OLFM2: variants seen among roughly 807,000 people sequenced by gnomAD.
OLFM2 encodes the protein noelin-2.
Under a neutral mutation model 43.9 loss-of-function variants are expected in OLFM2, and 20 were observed. The observed-to-expected ratio is 0.46, with a 90% CI of 0.32 to 0.66. The LOEUF (loss-of-function observed/expected upper bound fraction) is 0.66. Ranked by LOEUF, OLFM2 falls within the 30% of genes least tolerant of loss-of-function variation. The probability of loss-of-function intolerance (pLI) is 0.04; values close to 1 mark genes in which losing one functional copy is unlikely to be tolerated. For synonymous variants in OLFM2, 268 were observed against 278.6 expected, an observed-to-expected ratio of 0.96 and a Z score of 0.38; for missense variants, 416 against 643.6, an observed-to-expected ratio of 0.65 and a Z score of 3.83.
chr19:9,880,850 T>C (rs2145454282), intron 1 of OLFM2, among the ~76,000 whole-genome samples: 1 of 152,200 alleles, frequency 6.6e-6, no homozygotes, highest in East Asian at 1.9e-4. Flanking sequence ...TTCTGCAGCT[T>C]TGGCGCTCTC....
chr19:9,928,514 C>A (rs1237108432), intron 1 of OLFM2, among the ~76,000 whole-genome samples: 2 of 151,946 alleles, frequency 1.3e-5, no homozygotes, highest in African/African-American at 4.8e-5. Flanking sequence ...ACAAGAACAA[C>A]CTTTTCCAGG....
At chr19:9,880,424 C>A (rs1169017557) in intron 1 of OLFM2, among the ~76,000 whole-genome samples, 1 of 151,976 alleles carries the variant, frequency 6.6e-6, no homozygotes, top group African/African-American at 2.4e-5. Context: ...ACAGAGGAAC[C>A]TGAAAGTTGT....
intron 1 of OLFM2, among the ~76,000 whole-genome samples, chr19:9,884,768 G>A (rs1568375391): frequency 6.6e-6 from 1 of 152,172 alleles, no homozygotes; most frequent in Non-Finnish European, 1.5e-5. Flanking sequence ...CATGGTGGGT[G>A]TCTGCATGCC....
At chr19:9,874,142 A>G (rs1467651755) in intron 1 of OLFM2, among the ~76,000 whole-genome samples, 1 of 152,058 alleles carries the variant, frequency 6.6e-6, no homozygotes, top group Non-Finnish European at 1.5e-5. Flanking sequence ...CTTTATTCAA[A>G]TTCCCCAGTT....
intron 1 of OLFM2, among the ~76,000 whole-genome samples, chr19:9,925,352 T>G (rs940828031): frequency 1.3e-5 from 2 of 152,152 alleles, no homozygotes; most frequent in Non-Finnish European, 1.5e-5. Context: ...GGTGAGGATG[T>G]GGAAAAATAG....
intron 1 of OLFM2, among the ~76,000 whole-genome samples, chr19:9,885,240 A>G (rs1239459201): frequency 6.6e-6 from 1 of 152,166 alleles, no homozygotes; most frequent in East Asian, 1.9e-4. Context: ...CCAGACTGCA[A>G]TTCCCAGACT....
At chr19:9,894,376 C>CAATAAT (rs528905230) in intron 1 of OLFM2, among the ~76,000 whole-genome samples, 8,353 of 118,110 alleles carry the variant, frequency 0.071, 357 homozygotes, top group South Asian at 0.12. Context: ...GACTCTCTCT[C>CAATAAT]AATAATAATA....
Position 9,915,496 on chromosome 19 carries a change from T to TTTA in OLFM2, c.63+20807_63+20808insTAA, listed in dbSNP as rs1555728543. On this transcript the variant is annotated intron_variant, in intron 1 of 5. Coordinates refer to ENST00000264833, the MANE Select transcript of OLFM2 (RefSeq NM_058164.4). ...ACAGAGTGATTGGAGAAAGGGACTTTTTTATTTATTTATTTATTTATTTAT... is the reference window on the plus strand; with the variant it reads ...ACAGAGTGATTGGAGAAAGGGACTTTTTATTTATTTATTTATTTATTTATTTAT... Among the ~76,000 whole-genome samples, 37 of 94,204 alleles carry TTTA rather than the reference T, an allele frequency of 3.9e-4. No homozygotes were observed. The South Asian group carries it at 5.7e-3, about 14-fold the overall frequency. The allele number at this position is 94,204 out of a possible 152,430, so 61.8% of individuals were successfully genotyped here.
At chr19:9,928,250 G>T (rs928831951) in intron 1 of OLFM2, among the ~76,000 whole-genome samples, 3 of 151,662 alleles carry the variant, frequency 2.0e-5, no homozygotes, top group African/African-American at 7.3e-5. Flanking sequence ...AAAAGAACCC[G>T]GCTCACCATG....
At chr19:9,922,204 C>A (rs993586991) in intron 1 of OLFM2, among the ~76,000 whole-genome samples, 1 of 151,726 alleles carries the variant, frequency 6.6e-6, no homozygotes, top group African/African-American at 2.4e-5. Context: ...TCATTATGTC[C>A]AATAAAAATC....
intron 1 of OLFM2, among the ~76,000 whole-genome samples, chr19:9,904,572 C>T (rs1223251123): frequency 6.6e-6 from 1 of 151,876 alleles, no homozygotes; most frequent in African/African-American, 2.4e-5. Context: ...CTGGTAGCTC[C>T]CCTGTGTGTA....
At chr19:9,869,359 G>C (rs1399932636) in intron 1 of OLFM2, among the ~76,000 whole-genome samples, 1 of 152,118 alleles carries the variant, frequency 6.6e-6, no homozygotes, top group African/African-American at 2.4e-5. Context: ...GGTAGAGTAG[G>C]GCCAACTGGT....
chr19:9,858,074 G>T, intron 2 of OLFM2: 1 of 635,284 alleles, frequency 1.6e-6, no homozygotes, highest in African/African-American at 1.8e-5. Flanking sequence ...CTCCCATCTG[G>T]TCCACCTACC....
intron 1 of OLFM2, among the ~76,000 whole-genome samples, chr19:9,875,733 C>T (rs988406028): frequency 3.3e-5 from 5 of 151,818 alleles, no homozygotes; most frequent in African/African-American, 1.2e-4. Flanking sequence ...TCTCAAACTC[C>T]TGAGCTCAAG....
At chr19:9,858,248 C>G (rs2046339361) in intron 2 of OLFM2, 2 of 346,412 alleles carry the variant, frequency 5.8e-6, no homozygotes, top group African/African-American at 4.4e-5. Context: ...GCCCAACCCA[C>G]TTCCTCTCTC....
Position 9,936,459 on chromosome 19 carries a change from C to G in OLFM2, c.-93G>C. On this transcript the variant is annotated 5_prime_UTR_variant, in exon 1 of 6. Coordinates refer to ENST00000264833, the MANE Select transcript of OLFM2 (RefSeq NM_058164.4). ...CCAGGCGCGACCCCGCCCGCCCGGC[C>G]GGGGCGACCCTGCGCCGCCGCCTCC... is the stretch of plus-strand genomic sequence containing the variant. 4.3e-6 allele frequency: 4 copies of G among 935,226 alleles called. No homozygotes were observed. Among genetic ancestry groups the G allele is most frequent in the Non-Finnish European group, 5.1e-6 (4 of 780,974 alleles). 57.9% of individuals were successfully genotyped at this position (935,226 alleles called of 1,614,324 possible).
intron 1 of OLFM2, among the ~76,000 whole-genome samples, chr19:9,924,103 C>CAAAAAAAA (rs1047796253): frequency 9.7e-5 from 2 of 20,720 alleles, no homozygotes; most frequent in South Asian, 3.1e-3. Context: ...CTCGTCTCTA[C>CAAAAAAAA]AAAAAAAAAA....
rs779473189 is a variant in OLFM2 at position 9,856,758 on chromosome 19, G to A, written c.687+49C>T. 15 of 1,481,290 alleles carry A rather than the reference G, an allele frequency of 1.0e-5. No individual in the cohort carries two copies. The highest frequency in any genetic ancestry group is 4.1e-5 in the African/African-American group (3 of 72,342). The allele number at this position is 1,481,290 out of a possible 1,614,324, so 91.8% of individuals were successfully genotyped here. A position where few individuals can be genotyped will look rare whatever the true frequency, so the allele number is the denominator to read the frequency against. On this transcript the variant is annotated intron_variant, in intron 5 of 5. Coordinates refer to ENST00000264833, the MANE Select transcript of OLFM2 (RefSeq NM_058164.4). The surrounding 1 kb of genome is among the most constrained non-coding windows in gnomAD (Gnocchi z 4.0). ...CCTAGGCACCTATGGGCAGTCAAAG[G>A]CTCTGTCCCTCCCAGGCCCTGACCC...
At position 9,860,779 on chromosome 19, in the gene OLFM2, G is replaced by T; in HGVS notation, c.79C>A (p.Pro27Thr). The T allele has an allele frequency of 6.2e-7, 1 of 1,607,598 alleles. No individual in the cohort carries two copies. Residue 27 changes from proline (P) to threonine (T), a missense_variant, in exon 2 of 6, where the codon CCA (proline) becomes ACA (threonine). Coordinates refer to ENST00000264833, the MANE Select transcript of OLFM2 (RefSeq NM_058164.4). ...GTGTACAGCTGCCAGCCCTCTTCTG[G>T]GTTCTGGAAGAGAGTCTGCAAAGAG... ...GLAGQTLFQN[P>T]EEGWQLYTSA...
Sources: allele counts gnomAD v4.1 joint callset (sites outside exome capture counted in the v4.1 genomes callset), GRCh38; gene constraint gnomAD v4.1.1; non-coding constraint Gnocchi (gnomAD v3.1); transcripts MANE v1.5; gene names NCBI Gene and HGNC (gene_info 2026-07-23, HGNC 2026-07-21).